GRAMD2A: variants seen among roughly 807,000 people sequenced by gnomAD.
The protein encoded by GRAMD2A is GRAM domain containing 2A.
A neutral mutation model predicts 51.1 loss-of-function variants in GRAMD2A; 37 were observed. That is an observed-to-expected ratio of 0.72 (90% CI 0.56 to 0.95). The LOEUF is 0.95. Ranked by LOEUF, GRAMD2A falls within the 40% of genes least tolerant of loss-of-function variation. The pLI is 0.00. For synonymous variants in GRAMD2A, 136 were observed against 157.1 expected (o/e 0.87, Z 1.01); for missense variants, 414 against 426.9 (o/e 0.97, Z 0.27).
chr15:72,189,134 GAGA>G (rs2081752039), intron 1 of GRAMD2A, among the ~76,000 whole-genome samples: 1 of 152,138 alleles, frequency 6.6e-6, no homozygotes, highest in East Asian at 1.9e-4. Flanking sequence ...TAAAAAGGAG[GAGA>G]AGGAGAAGGC....
Position 72,161,732 on chromosome 15 carries a change from C to T in GRAMD2A, c.*277G>A, listed in dbSNP as rs1411751212. 8 of 454,696 alleles carry T rather than the reference C, an allele frequency of 1.8e-5. No homozygotes were observed. The highest frequency in any genetic ancestry group is 3.2e-5 in the Non-Finnish European group (8 of 247,504). 28.2% of individuals were successfully genotyped at this position (454,696 alleles called of 1,614,324 possible). On this transcript the variant is annotated 3_prime_UTR_variant, in exon 12 of 12. Coordinates refer to ENST00000309731, the MANE Select transcript of GRAMD2A (RefSeq NM_001012642.3). ...TTTGTTTGTTTTCTCTAAGTGTTTGCTGAAGCTTTGTGTACAGAATTCCTC... is the reference window on the plus strand; with the variant it reads ...TTTGTTTGTTTTCTCTAAGTGTTTGTTGAAGCTTTGTGTACAGAATTCCTC...
intron 8 of GRAMD2A, among the ~76,000 whole-genome samples, chr15:72,164,123 C>T (rs2140543557): frequency 6.6e-6 from 1 of 152,344 alleles, no homozygotes; most frequent in Non-Finnish European, 1.5e-5. Context: ...AAGCCCTAAC[C>T]TTGGCAGGGA....
chr15:72,164,788 G>A (rs1416037562), intron 8 of GRAMD2A, among the ~76,000 whole-genome samples: 1 of 152,204 alleles, frequency 6.6e-6, no homozygotes, highest in Admixed American at 6.5e-5. Context: ...CATCTGTACA[G>A]GTGTGCAGCC....
intron 7 of GRAMD2A, among the ~76,000 whole-genome samples, chr15:72,165,670 G>A (rs1375281334): frequency 6.6e-6 from 1 of 151,542 alleles, no homozygotes; most frequent in Non-Finnish European, 1.5e-5. Context: ...CATAGGGCAT[G>A]TTGGGAAGCA....
intron 1 of GRAMD2A, among the ~76,000 whole-genome samples, chr15:72,196,660 A>C (rs1462659101): frequency 6.6e-6 from 1 of 152,154 alleles, no homozygotes; most frequent in Non-Finnish European, 1.5e-5. Flanking sequence ...ACAGGTGGAC[A>C]TGGGGTGAAG....
intron 1 of GRAMD2A, among the ~76,000 whole-genome samples, chr15:72,178,926 T>G (rs1392549477): frequency 6.6e-6 from 1 of 152,156 alleles, no homozygotes; most frequent in Non-Finnish European, 1.5e-5. Context: ...TCAGATGACA[T>G]TCCATATCTA....
Position 72,161,269 on chromosome 15 carries a change from C to G in GRAMD2A, c.*740G>C, listed in dbSNP as rs1327067636. On this transcript the variant is annotated 3_prime_UTR_variant, in exon 12 of 12. Coordinates refer to ENST00000309731, the MANE Select transcript of GRAMD2A (RefSeq NM_001012642.3). ...CACTTGTCTCACCGGAAAGTGACAG[C>G]TGAGGACACAGAATTCAGGTACCTC... The G allele has an allele frequency of 6.6e-6, 1 of 152,488 alleles. No individual in the cohort carries two copies. Among genetic ancestry groups the G allele is most frequent in the Non-Finnish European group, 1.5e-5 (1 of 68,252 alleles). The allele number at this position is 152,488 out of a possible 1,614,324, so 9.4% of individuals were successfully genotyped here. A position where few individuals can be genotyped will look rare whatever the true frequency, so the allele number is the denominator to read the frequency against.
At chr15:72,194,719 ACT>A (rs1290578343) in intron 1 of GRAMD2A, among the ~76,000 whole-genome samples, 1 of 151,800 alleles carries the variant, frequency 6.6e-6, no homozygotes, top group African/African-American at 2.4e-5. Context: ...ACAGAGTCTC[ACT>A]CTGTCGCCCG....
intron 1 of GRAMD2A, among the ~76,000 whole-genome samples, chr15:72,179,935 G>A (rs774028076): frequency 3.0e-4 from 46 of 152,112 alleles, no homozygotes; most frequent in Non-Finnish European, 4.3e-4. Flanking sequence ...GGAACCAGCC[G>A]CGGCAAGGCC....
intron 1 of GRAMD2A, among the ~76,000 whole-genome samples, chr15:72,172,206 C>T (rs2081617208): frequency 6.6e-6 from 1 of 152,094 alleles, no homozygotes. Context: ...GCAGCCTCAG[C>T]CTCCCGAGCT....
At chr15:72,189,139 G>C (rs1283279147) in intron 1 of GRAMD2A, among the ~76,000 whole-genome samples, 3 of 152,122 alleles carry the variant, frequency 2.0e-5, no homozygotes, top group African/African-American at 7.2e-5. Flanking sequence ...AGGAGGAGAA[G>C]GAGAAGGCAG....
At chr15:72,181,270 T>C (rs12442886) in intron 1 of GRAMD2A, among the ~76,000 whole-genome samples, 106,656 of 152,198 alleles carry the variant, frequency 0.7, 37,858 homozygotes, top group Middle Eastern at 0.77. Context: ...TTAAAAGCAA[T>C]GGGGAACCAA....
intron 10 of GRAMD2A, among the ~76,000 whole-genome samples, 199 bp from the exon 11 acceptor site, chr15:72,162,576 T>C (rs2081490728): frequency 6.6e-6 from 1 of 152,142 alleles, no homozygotes; most frequent in South Asian, 2.1e-4. Flanking sequence ...CCCATGGAAG[T>C]GTCCTTACAG....
Position 72,163,683 on chromosome 15 carries a change from G to A in GRAMD2A, c.675C>T (p.Ile225=). ...CCACGGATGATGGAGGGATACAAGG[G>A]ATGTTGTCTGGGAGAGACAGGGACC... ...SSRSLSLPDN[I]PCIPPSSVDS... is the part of the protein sequence containing the mutation. Residue 225 remains isoleucine (I), a synonymous_variant, in exon 9 of 12, where the codon ATC becomes ATT. Transcript: ENST00000309731. 6.2e-7 allele frequency: 1 copy of A among 1,609,154 alleles called. No homozygotes were observed. The highest frequency in any genetic ancestry group is 8.5e-7 in the Non-Finnish European group (1 of 1,178,716).
At position 72,166,365 on chromosome 15, in the gene GRAMD2A, G is replaced by C. The variant is rs2081544542; in HGVS notation, c.543+267C>G. Among the ~76,000 whole-genome samples the C allele has an allele frequency of 6.6e-6, 1 of 152,148 alleles. No homozygotes were observed. The highest frequency in any genetic ancestry group is 1.5e-5 in the Non-Finnish European group (1 of 68,020). On this transcript the variant is annotated intron_variant, in intron 7 of 11. Coordinates refer to ENST00000309731, the MANE Select transcript of GRAMD2A (RefSeq NM_001012642.3). This position sits in a 1 kb window ranked among gnomAD's most constrained non-coding sequence, Gnocchi z 4.1. ...TTGACTTACGATATTTTCAACTTTTGATGGGTTCATGGGACATAAGCCCAT... is the reference window on the plus strand; with the variant it reads ...TTGACTTACGATATTTTCAACTTTTCATGGGTTCATGGGACATAAGCCCAT...
At chr15:72,168,037 C>T (rs2081567871) in intron 4 of GRAMD2A, among the ~76,000 whole-genome samples, 198 bp from the exon 5 acceptor site, 1 of 152,220 alleles carries the variant, frequency 6.6e-6, no homozygotes, top group Non-Finnish European at 1.5e-5. Context: ...ACTGCTCCTC[C>T]ACTCCACCAG....
chr15:72,162,623 G>C (rs896517862), intron 10 of GRAMD2A: 6 of 396,042 alleles, frequency 1.5e-5, no homozygotes, highest in South Asian at 2.8e-5. Context: ...CTGAGCTCTG[G>C]GGGGAGCTCT....
At chr15:72,178,635 G>A (rs907747331) in intron 1 of GRAMD2A, among the ~76,000 whole-genome samples, 2 of 145,098 alleles carry the variant, frequency 1.4e-5, no homozygotes, top group Non-Finnish European at 3.0e-5. Context: ...GAGTGCAGTG[G>A]CGCAATCTCG....
At chr15:72,180,535 A>T (rs2081689682) in intron 1 of GRAMD2A, among the ~76,000 whole-genome samples, 1 of 152,112 alleles carries the variant, frequency 6.6e-6, no homozygotes, top group Non-Finnish European at 1.5e-5. Flanking sequence ...GGCTGTGGCT[A>T]CTCTGGAGAC....
Sources: gnomAD v4.1 joint callset for allele counts (sites outside exome capture counted in the v4.1 genomes callset) on GRCh38, gnomAD v4.1.1 for gene constraint, Gnocchi (gnomAD v3.1) non-coding constraint, MANE v1.5 for transcripts, NCBI Gene and HGNC (gene_info 2026-07-23, HGNC 2026-07-21) for gene names.